The following TXNRD1 variants were observed in gnomAD, a reference collection of about 807,000 sequenced individuals.
TXNRD1 encodes thioredoxin reductase 1.
Under a neutral mutation model 80.3 loss-of-function variants are expected in TXNRD1, and 57 were observed. The observed-to-expected ratio is 0.71, with a 90% CI of 0.57 to 0.89. The LOEUF is 0.89. Among genes scored for constraint, TXNRD1 ranks in the 40% least tolerant of loss-of-function variants. The pLI, the probability that TXNRD1 is intolerant of heterozygous loss-of-function variation, is 0.00. For synonymous variants in TXNRD1, 291 were observed against 285.2 expected, an observed-to-expected ratio of 1.02 and a Z score of -0.20; for missense variants, 730 against 803.0, an observed-to-expected ratio of 0.91 and a Z score of 1.10.
chr12:104,272,413 G>A (rs561830764), intron 3 of TXNRD1, among the ~76,000 whole-genome samples: 2 of 152,318 alleles, frequency 1.3e-5, no homozygotes, highest in South Asian at 2.1e-4. Flanking sequence ...TAATCGGAAT[G>A]ACTTAAGGGT....
At chr12:104,317,109 C>T (rs566473401) in intron 7 of TXNRD1, among the ~76,000 whole-genome samples, 72 of 152,254 alleles carry the variant, frequency 4.7e-4, no homozygotes, top group Non-Finnish European at 4.3e-4. Context: ...TTTGCTCAGA[C>T]CCTTAAGAGA....
chr12:104,348,537 C>T lies in TXNRD1; in HGVS notation c.*116C>T, dbSNP rs1299394841. On this transcript the variant is annotated 3_prime_UTR_variant, in exon 17 of 17. Transcript: ENST00000525566. ...GCTCTTGGCACCTGCGTGTCCTGTG[C>T]TTACCACCGCCCAAGGCCCCCTTGG... 4.3e-6 allele frequency: 4 copies of T among 928,084 alleles called. No homozygotes were observed. The highest frequency in any genetic ancestry group is 6.7e-6 in the Non-Finnish European group (4 of 593,494). 57.5% of individuals were successfully genotyped at this position (928,084 alleles called of 1,614,324 possible). A position where few individuals can be genotyped will look rare whatever the true frequency, so the allele number is the denominator to read the frequency against.
In TXNRD1 at chr12:104,346,219, C is replaced by T. The variant is rs199634732; in HGVS notation, c.1882-2134C>T. The T allele has an allele frequency of 2.0e-4, 46 of 224,816 alleles. No individual in the cohort carries two copies. In the East Asian group the frequency reaches 3.2e-3, roughly 15 times the overall value. The allele number at this position is 224,816 out of a possible 1,614,324, so 13.9% of individuals were successfully genotyped here. On this transcript the variant is annotated intron_variant, in intron 16 of 16. Transcript: ENST00000525566. ...TTTGAGACAGGGTCGCATTATGTTGCCCAGGCTGGTCTCAAACTCCTGGGC... is the reference window on the plus strand; with the variant it reads ...TTTGAGACAGGGTCGCATTATGTTGTCCAGGCTGGTCTCAAACTCCTGGGC...
At chr12:104,283,221 C>T (rs1015268360) in intron 3 of TXNRD1, among the ~76,000 whole-genome samples, 2 of 151,916 alleles carry the variant, frequency 1.3e-5, no homozygotes, top group African/African-American at 4.8e-5. Context: ...CAATCATTTC[C>T]TTCTCTTCTC....
chr12:104,216,004 G>C, intron 1 of TXNRD1, 111 bp downstream of exon 1: 1 of 921,234 alleles, frequency 1.1e-6, no homozygotes, highest in Non-Finnish European at 1.6e-6. Flanking sequence ...CCCCTCACTG[G>C]AGTCAGTGAC....
intron 3 of TXNRD1, among the ~76,000 whole-genome samples, chr12:104,283,726 C>T (rs891533213): frequency 2.6e-5 from 4 of 151,974 alleles, no homozygotes; most frequent in African/African-American, 7.2e-5. Context: ...CAAAATTAGC[C>T]AGGCGTGGTG....
chr12:104,287,458 G>T, intron 3 of TXNRD1: 1 of 1,611,658 alleles, frequency 6.2e-7, no homozygotes, highest in South Asian at 1.1e-5. Flanking sequence ...TACAGAGTCC[G>T]AGTCTTGAAA....
chr12:104,331,641 G>T lies in TXNRD1; in HGVS notation c.1650G>T (p.Glu550Asp), dbSNP rs751615938. The change falls in exon 14 of 17, where the codon GAG becomes GAT. Residue 550 changes from glutamate to aspartate, a missense_variant and splice_region_variant. Coordinates refer to ENST00000525566, the MANE Select transcript of TXNRD1 (RefSeq NM_001093771.3). ...AVEKFGEENIEVYHSYFWPLE... is the reference protein window; with the variant it reads ...AVEKFGEENIDVYHSYFWPLE... ...AGAAGTTTGGGGAAGAAAATATTGAGGTAAGTTCTTTTCCTCTTTTCTCCT... is the reference window on the plus strand; with the variant it reads ...AGAAGTTTGGGGAAGAAAATATTGATGTAAGTTCTTTTCCTCTTTTCTCCT... The T allele has an allele frequency of 1.3e-6, 2 of 1,599,076 alleles. No individual in the cohort carries two copies. Among genetic ancestry groups the T allele is most frequent in the African/African-American group, 1.3e-5 (1 of 74,582 alleles).
intron 4 of TXNRD1, among the ~76,000 whole-genome samples, chr12:104,294,060 A>G (rs2034333360): frequency 6.6e-6 from 1 of 152,186 alleles, no homozygotes; most frequent in African/African-American, 2.4e-5. Flanking sequence ...TCTGGAAGGC[A>G]GAGCCAGGTG....
At chr12:104,333,475 A>G (rs959281193) in intron 14 of TXNRD1, among the ~76,000 whole-genome samples, 5 of 152,104 alleles carry the variant, frequency 3.3e-5, no homozygotes, top group Non-Finnish European at 7.4e-5. Flanking sequence ...TTTTTTTCCT[A>G]TATAATTGTG....
intron 1 of TXNRD1, among the ~76,000 whole-genome samples, chr12:104,249,728 G>T (rs2033071300): frequency 6.6e-6 from 1 of 152,002 alleles, no homozygotes; most frequent in Non-Finnish European, 1.5e-5. Context: ...GAGGTCAGGA[G>T]ATCAAGACCA....
intron 16 of TXNRD1, 39 bp from the exon 17 acceptor site, chr12:104,348,314 C>T: frequency 1.2e-6 from 2 of 1,604,540 alleles, no homozygotes; most frequent in Non-Finnish European, 1.7e-6. Flanking sequence ...CTCATTTGCT[C>T]AGGCATCTGA....
chr12:104,292,996 G>A (rs1163264021), intron 4 of TXNRD1, among the ~76,000 whole-genome samples: 1 of 152,216 alleles, frequency 6.6e-6, no homozygotes, highest in Non-Finnish European at 1.5e-5. Context: ...CATGTATAAA[G>A]TTGGAACTAG....
chr12:104,229,164 T>TTTTTTTTG (rs1565853077), intron 1 of TXNRD1, among the ~76,000 whole-genome samples: 1 of 122,870 alleles, frequency 8.1e-6, no homozygotes, highest in Non-Finnish European at 1.7e-5. Flanking sequence ...TTTTTTTTTT[T>TTTTTTTTG]TGAGACAGGG....
chr12:104,317,479 TA>T (rs2035371964), intron 7 of TXNRD1, among the ~76,000 whole-genome samples: 1 of 151,058 alleles, frequency 6.6e-6, no homozygotes, highest in African/African-American at 2.4e-5. Flanking sequence ...TTAGAGGCTA[TA>T]AATCAATTTT....
intron 4 of TXNRD1, among the ~76,000 whole-genome samples, chr12:104,292,395 C>CTT (rs35461325): frequency 0.47 from 68,692 of 145,676 alleles, 16,595 homozygotes; most frequent in East Asian, 0.62. Flanking sequence ...GCCCCCCCGC[C>CTT]TTTTTTTTTT....
intron 3 of TXNRD1, among the ~76,000 whole-genome samples, chr12:104,270,601 TG>T (rs2033631708): frequency 6.6e-6 from 1 of 152,156 alleles, no homozygotes; most frequent in African/African-American, 2.4e-5. Context: ...GGATTTTCAT[TG>T]TAAGTCCATT....
At chr12:104,226,476 C>G (rs1041619467) in intron 1 of TXNRD1, among the ~76,000 whole-genome samples, 3 of 152,102 alleles carry the variant, frequency 2.0e-5, no homozygotes, top group Non-Finnish European at 4.4e-5. Context: ...TAAGGTTGAT[C>G]CCCAATATAA....
chr12:104,296,906 C>T (rs1284718941), intron 4 of TXNRD1, among the ~76,000 whole-genome samples: 1 of 152,218 alleles, frequency 6.6e-6, no homozygotes, highest in East Asian at 1.9e-4. Flanking sequence ...AGTCACTTCA[C>T]ATCTATTTAG....
Sources: gnomAD v4.1 joint callset for allele counts (sites outside exome capture counted in the v4.1 genomes callset) on GRCh38, gnomAD v4.1.1 for gene constraint, MANE v1.5 for transcripts, NCBI Gene and HGNC (gene_info 2026-07-23, HGNC 2026-07-21) for gene names.